The following PAPSS2 variants were observed in gnomAD, a reference collection of about 807,000 sequenced individuals.
PAPSS2 encodes 3'-phosphoadenosine 5'-phosphosulfate synthase 2.
PAPSS2 carries 61 observed loss-of-function variants against 66.5 expected under a neutral mutation model. The observed-to-expected ratio is 0.92, with a 90% CI of 0.75 to 1.14. The LOEUF (loss-of-function observed/expected upper bound fraction) is 1.14. PAPSS2 is among the 50% of genes most tolerant of loss of function. The pLI is 0.00. For missense variants in PAPSS2, 708 were observed against 789.6 expected, an observed-to-expected ratio of 0.90 and a Z score of 1.24; for synonymous variants, 289 against 287.5, an observed-to-expected ratio of 1.01 and a Z score of -0.05.
intron 1 of PAPSS2, among the ~76,000 whole-genome samples, chr10:87,665,304 C>T (rs537099446): frequency 2.6e-5 from 4 of 152,162 alleles, no homozygotes; most frequent in South Asian, 2.1e-4. Flanking sequence ...TTCCGCCTTC[C>T]GGGTTCACGC....
intron 1 of PAPSS2, among the ~76,000 whole-genome samples, chr10:87,660,748 T>G (rs2131889543): frequency 6.8e-6 from 1 of 147,074 alleles, no homozygotes; most frequent in African/African-American, 2.5e-5. Context: ...CACCTATAAA[T>G]TTTGCATTCT....
At chr10:87,739,467 C>A (rs535336644) in intron 9 of PAPSS2, among the ~76,000 whole-genome samples, 1 of 152,266 alleles carries the variant, frequency 6.6e-6, no homozygotes, top group East Asian at 1.9e-4. Context: ...TTGTGCCCAA[C>A]AATAATTAAC....
Position 87,743,902 on chromosome 10 carries a change from AGGCCACCT to A in PAPSS2, c.1491+263_1491+270del, listed in dbSNP as rs367935870. Among the ~76,000 whole-genome samples, 196 of 152,270 alleles carry A rather than the reference AGGCCACCT, an allele frequency of 1.3e-3. 1 individual carries two copies. The highest frequency in any genetic ancestry group is 4.5e-3 in the African/African-American group (185 of 41,556). On this transcript the variant is annotated intron_variant, in intron 11 of 12. Coordinates refer to ENST00000456849, the MANE Select transcript of PAPSS2 (RefSeq NM_001015880.2). Reference sequence around the variant, plus strand: ...GGCAGATCACAAGGTCAGGAGTTCGAGGCCACCTGACCAACATGATGAAACCCTGTCTC... The same window carrying A: ...GGCAGATCACAAGGTCAGGAGTTCGAGACCAACATGATGAAACCCTGTCTC...
At chr10:87,687,870 A>T (rs1853108217) in intron 1 of PAPSS2, among the ~76,000 whole-genome samples, 1 of 148,622 alleles carries the variant, frequency 6.7e-6, no homozygotes, top group Non-Finnish European at 1.5e-5. Context: ...ACAAAAAATG[A>T]TGATTAAGTG....
At position 87,714,831 on chromosome 10, in the gene PAPSS2, G is replaced by A. The variant is rs776610020; in HGVS notation, c.607G>A (p.Val203Ile). The A allele has an allele frequency of 1.2e-6, 2 of 1,611,760 alleles. No individual in the cohort carries two copies. The highest frequency in any genetic ancestry group is 1.7e-5 in the Admixed American group (1 of 60,012). The change falls in exon 5 of 13, where the codon GTC becomes ATC. Residue 203 changes from valine to isoleucine, a missense_variant. By Grantham distance (29) the Val-to-Ile change is conservative. Transcript: ENST00000456849. ...CAATTTGTCCACAGTGAGTGACTGT[G>A]TCCACCAGGTAGTGGAACTTCTGCA... ...KTNLSTVSDCVHQVVELLQEQ... is the reference protein window; with the variant it reads ...KTNLSTVSDCIHQVVELLQEQ...
intron 1 of PAPSS2, among the ~76,000 whole-genome samples, chr10:87,688,301 C>T (rs1027219488): frequency 1.2e-4 from 18 of 151,692 alleles, no homozygotes; most frequent in African/African-American, 4.1e-4. Flanking sequence ...AATGATAAAA[C>T]ACACCTGTAA....
intron 1 of PAPSS2, among the ~76,000 whole-genome samples, chr10:87,694,346 A>G (rs1313283604): frequency 1.3e-5 from 2 of 152,254 alleles, no homozygotes; most frequent in African/African-American, 4.8e-5. Flanking sequence ...ACTTAAGTCT[A>G]TAAATCTAGA....
chr10:87,688,963 T>TA (rs199804008), intron 1 of PAPSS2, among the ~76,000 whole-genome samples: 4,846 of 135,750 alleles, frequency 0.036, 112 homozygotes, highest in South Asian at 0.1. Flanking sequence ...TTAACTACCT[T>TA]AAAAAAAAAA....
intron 1 of PAPSS2, among the ~76,000 whole-genome samples, chr10:87,662,781 G>A (rs889645836): frequency 1.3e-5 from 2 of 152,166 alleles, no homozygotes; most frequent in Non-Finnish European, 2.9e-5. Context: ...GGATCAAATA[G>A]GAAAACAATT....
chr10:87,688,471 A>ATTTATTTC (rs1853118475), intron 1 of PAPSS2, among the ~76,000 whole-genome samples: 1 of 150,480 alleles, frequency 6.6e-6, no homozygotes, highest in African/African-American at 2.4e-5. Context: ...TTATTTATTT[A>ATTTATTTC]TTTATTGAGA....
intron 10 of PAPSS2, 95 bp from the exon 11 acceptor site, chr10:87,743,278 A>G (rs2131730995): frequency 7.6e-7 from 1 of 1,309,514 alleles, no homozygotes; most frequent in African/African-American, 1.5e-5. Context: ...TAATGAATGC[A>G]CAGAACAATA....
chr10:87,714,403 C>T (rs1048698403), intron 4 of PAPSS2, among the ~76,000 whole-genome samples: 2 of 152,140 alleles, frequency 1.3e-5, no homozygotes, highest in Admixed American at 6.5e-5. Context: ...TATGCAATAA[C>T]GTTCAGAGAA....
intron 1 of PAPSS2, among the ~76,000 whole-genome samples, chr10:87,700,797 A>C (rs1853294310): frequency 6.6e-6 from 1 of 152,126 alleles, no homozygotes; most frequent in Admixed American, 6.5e-5. Flanking sequence ...TTCTAGAAAT[A>C]GTTTCAAACT....
chr10:87,664,913 T>C (rs900910000), intron 1 of PAPSS2, among the ~76,000 whole-genome samples: 1 of 152,240 alleles, frequency 6.6e-6, no homozygotes. Context: ...ACAGTGATCC[T>C]GGCACAGATT....
At chr10:87,680,791 TC>T (rs1798844775) in intron 1 of PAPSS2, among the ~76,000 whole-genome samples, 1 of 152,098 alleles carries the variant, frequency 6.6e-6, no homozygotes, top group Non-Finnish European at 1.5e-5. Flanking sequence ...TACCTCCTTC[TC>T]CTCGGTAACC....
intron 1 of PAPSS2, among the ~76,000 whole-genome samples, chr10:87,702,892 C>T (rs1315174654): frequency 2.6e-5 from 4 of 152,138 alleles, no homozygotes; most frequent in Admixed American, 1.3e-4. Context: ...CACCATGAAA[C>T]CATCTAGTCT....
In PAPSS2 at chr10:87,704,791, G is replaced by A. The variant is rs375060931; in HGVS notation, c.28-4405G>A. Among the ~76,000 whole-genome samples the A allele has an allele frequency of 2.5e-3, 385 of 152,032 alleles. 2 individuals are homozygous for A. Among genetic ancestry groups the A allele is most frequent in the African/African-American group, 8.6e-3 (358 of 41,470 alleles). On this transcript the variant is annotated intron_variant, in intron 1 of 12. Transcript: ENST00000456849. ...CAAGTAGCTGGGATTACAGGCATGC[G>A]CCACCCTGCACAGCTAATTTTTGTA...
intron 1 of PAPSS2, among the ~76,000 whole-genome samples, chr10:87,676,197 G>A (rs556083120): frequency 5.3e-5 from 8 of 152,120 alleles, no homozygotes; most frequent in Admixed American, 2.0e-4. Context: ...TGTTCTTGAC[G>A]GTGGTGACTT....
At chr10:87,744,165 A>T (rs1201560241) in intron 11 of PAPSS2, among the ~76,000 whole-genome samples, 1 of 152,206 alleles carries the variant, frequency 6.6e-6, no homozygotes, top group Non-Finnish European at 1.5e-5. Context: ...CTTTGAGAAT[A>T]TGGAAGTTGG....
Sources: allele counts gnomAD v4.1 joint callset (sites outside exome capture counted in the v4.1 genomes callset), GRCh38; gene constraint gnomAD v4.1.1; transcripts MANE v1.5; gene names NCBI Gene and HGNC (gene_info 2026-07-23, HGNC 2026-07-21).